Variants in ABAT observed in about 807,000 individuals in gnomAD.
The protein encoded by ABAT is 4-aminobutyrate aminotransferase, also known as 4-aminobutyrate aminotransferase, mitochondrial.
A neutral mutation model predicts 64.6 loss-of-function variants in ABAT; 45 were observed. That is an observed-to-expected ratio of 0.70 (90% confidence interval 0.55 to 0.89). The LOEUF is 0.89. Among genes scored for constraint, ABAT ranks in the 40% least tolerant of loss-of-function variants. The probability of loss-of-function intolerance (pLI) is 0.00; values close to 1 mark genes in which losing one functional copy is unlikely to be tolerated. For missense variants in ABAT, 633 were observed against 658.4 expected, an observed-to-expected ratio of 0.96 and a Z score of 0.42; for synonymous variants, 297 against 250.5, an observed-to-expected ratio of 1.19 and a Z score of -1.75.
At chr16:8,739,994 C>T (rs559510984) in intron 2 of ABAT, among the ~76,000 whole-genome samples, 2 of 151,414 alleles carry the variant, frequency 1.3e-5, no homozygotes, top group East Asian at 1.9e-4. Flanking sequence ...CGTGTACTCT[C>T]GTACACTGCT....
chr16:8,677,589 G>C (rs942311764), intron 1 of ABAT, among the ~76,000 whole-genome samples: 2 of 152,136 alleles, frequency 1.3e-5, no homozygotes, highest in African/African-American at 4.8e-5. Context: ...ATTCTTTGTT[G>C]TGGGACTCCC....
In ABAT at chr16:8,750,431, G is replaced by T. The variant is rs540109350; in HGVS notation, c.208G>T (p.Ala70Ser). The T allele has an allele frequency of 1.2e-6, 2 of 1,613,882 alleles. No homozygotes were observed. The highest frequency in any genetic ancestry group is 1.3e-5 in the African/African-American group (1 of 75,042). The change falls in exon 5 of 16, where the codon GCT becomes TCT. Residue 70 changes from alanine to serine, a missense_variant. Ala to Ser is a moderately conservative substitution (Grantham distance 99). Transcript: ENST00000268251. ...CTTTTCTTTCTCCAAGAATGCAGAGGCTGTGCATTTTTTCTGCAATTACGA... is the reference window on the plus strand; with the variant it reads ...CTTTTCTTTCTCCAAGAATGCAGAGTCTGTGCATTTTTTCTGCAATTACGA... ...KQLNIIQNAE[A>S]VHFFCNYEES... is the part of the protein sequence containing the mutation.
chr16:8,709,217 ATTT>A (rs1000697908), intron 1 of ABAT, among the ~76,000 whole-genome samples: 8 of 145,380 alleles, frequency 5.5e-5, no homozygotes, highest in Non-Finnish European at 6.0e-5. Context: ...TCAGTGCTTT[ATTT>A]TTTAATGTAT....
At chr16:8,765,489 C>T (rs1181258873) in intron 8 of ABAT, among the ~76,000 whole-genome samples, 1 of 151,998 alleles carries the variant, frequency 6.6e-6, no homozygotes, top group Non-Finnish European at 1.5e-5. Context: ...CATGGTGAAA[C>T]CCCGTCTCTA....
intron 1 of ABAT, among the ~76,000 whole-genome samples, chr16:8,710,063 T>G (rs2058035068): frequency 2.0e-5 from 3 of 152,048 alleles, no homozygotes; most frequent in African/African-American, 7.2e-5. Context: ...TCCGCCCACT[T>G]TGGCCTCCCA....
chr16:8,738,252 T>G (rs939846592), intron 2 of ABAT, among the ~76,000 whole-genome samples: 1 of 151,762 alleles, frequency 6.6e-6, no homozygotes, highest in African/African-American at 2.4e-5. Context: ...GCCTGGGAGA[T>G]CGAGGCTGCA....
intron 6 of ABAT, among the ~76,000 whole-genome samples, chr16:8,763,075 C>T (rs1011930807): frequency 5.5e-5 from 8 of 145,650 alleles, no homozygotes; most frequent in African/African-American, 2.1e-4. Context: ...CGCTACTGCA[C>T]TCCAACCTGA....
At chr16:8,677,814 T>C (rs1335838635) in intron 1 of ABAT, among the ~76,000 whole-genome samples, 6 of 152,124 alleles carry the variant, frequency 3.9e-5, no homozygotes, top group Non-Finnish European at 8.8e-5. Context: ...AACAGCTTCC[T>C]AGCTGAGGCG....
Position 8,776,453 on chromosome 16 carries a change from C to A in ABAT, c.1232C>A (p.Ala411Asp), listed in dbSNP as rs905938522. The A allele has an allele frequency of 1.1e-5, 17 of 1,614,200 alleles. No homozygotes were observed. The highest frequency in any genetic ancestry group is 1.4e-5 in the Non-Finnish European group (17 of 1,180,046). ...GACCTGCTAAATAATGCAGCCCATG[C>A]CGGGAAGGCCCTGCTCACAGGACTG... ...REDLLNNAAH[A>D]GKALLTGLLD... Residue 411 changes from alanine to aspartate, a missense_variant, in exon 14 of 16, where the codon GCC (alanine) becomes GAC (aspartate). Physicochemically the swap from Ala to Asp is moderately radical, Grantham distance 126. Transcript: ENST00000268251. The surrounding 1 kb of genome is among the most constrained non-coding windows in gnomAD (Gnocchi z 4.4).
chr16:8,743,444 T>TATATATATATATATATATATATACATAC (rs368568293), intron 2 of ABAT, among the ~76,000 whole-genome samples: 1 of 117,700 alleles, frequency 8.5e-6, no homozygotes, highest in African/African-American at 3.7e-5. Flanking sequence ...TATATATATA[T>TATATATATATATATATATATATACATAC]ACACACATTT....
rs1301288240 is a variant in ABAT at position 8,776,272 on chromosome 16, G to A, written c.1123-72G>A. 4 of 1,607,378 alleles carry A rather than the reference G, an allele frequency of 2.5e-6. No homozygotes were observed. In the South Asian group the frequency reaches 3.3e-5, roughly 13 times the overall value. Reference sequence around the variant, plus strand: ...TCTCCTCTTCAAGAGAGGAGGCGGGGCGCCTGGGGTAAGTGACTCCTGCAG... The same window carrying A: ...TCTCCTCTTCAAGAGAGGAGGCGGGACGCCTGGGGTAAGTGACTCCTGCAG... On this transcript the variant is annotated intron_variant, in intron 13 of 15. Coordinates refer to ENST00000268251, the MANE Select transcript of ABAT (RefSeq NM_020686.6). This position sits in a 1 kb window ranked among gnomAD's most constrained non-coding sequence, Gnocchi z 4.4.
intron 6 of ABAT, among the ~76,000 whole-genome samples, chr16:8,763,691 A>C (rs1246723980): frequency 6.6e-6 from 1 of 152,238 alleles, no homozygotes; most frequent in Non-Finnish European, 1.5e-5. Flanking sequence ...GGCGTGAGGC[A>C]CTGCACTCTG....
intron 5 of ABAT, among the ~76,000 whole-genome samples, chr16:8,755,276 C>T (rs1844255549): frequency 6.6e-6 from 1 of 152,034 alleles, no homozygotes; most frequent in Admixed American, 6.6e-5. Flanking sequence ...CAGGTGCAAC[C>T]ACAAAGTGTC....
At chr16:8,749,541 G>A (rs1427456487) in intron 4 of ABAT, among the ~76,000 whole-genome samples, 6 of 151,296 alleles carry the variant, frequency 4.0e-5, no homozygotes, top group African/African-American at 1.5e-4. Context: ...TGGGATTACA[G>A]GTGCCCGCCA....
intron 1 of ABAT, among the ~76,000 whole-genome samples, chr16:8,730,510 C>G (rs891963550): frequency 3.3e-5 from 5 of 152,152 alleles, no homozygotes; most frequent in African/African-American, 1.2e-4. Context: ...TCCTCCTTGC[C>G]CTGTTCTCTC....
intron 11 of ABAT, 112 bp from the exon 12 acceptor site, chr16:8,772,668 C>G: frequency 1.4e-6 from 2 of 1,438,642 alleles, no homozygotes; most frequent in Admixed American, 1.7e-5. Flanking sequence ...GAAATGCACA[C>G]AAACACATTT....
At chr16:8,767,895 C>G (rs2059991742) in intron 9 of ABAT, among the ~76,000 whole-genome samples, 2 of 151,906 alleles carry the variant, frequency 1.3e-5, no homozygotes, top group Non-Finnish European at 2.9e-5. Context: ...AGGCTGATCC[C>G]AAACTCCTGA....
chr16:8,724,732 A>G (rs1567286716), intron 1 of ABAT, among the ~76,000 whole-genome samples: 5 of 4,050 alleles, frequency 1.2e-3, no homozygotes, highest in African/African-American at 2.2e-3. Context: ...TTGTCTCAGG[A>G]AAAAAAAAAA....
chr16:8,696,919 C>T (rs1347020435), intron 1 of ABAT, among the ~76,000 whole-genome samples: 1 of 152,108 alleles, frequency 6.6e-6, no homozygotes, highest in Non-Finnish European at 1.5e-5. Flanking sequence ...TGCTCCCATC[C>T]CCAGAGGCAT....
Sources: gnomAD v4.1 joint callset for allele counts (sites outside exome capture counted in the v4.1 genomes callset) on GRCh38, gnomAD v4.1.1 for gene constraint, Gnocchi (gnomAD v3.1) non-coding constraint, MANE v1.5 for transcripts, NCBI Gene and HGNC (gene_info 2026-07-23, HGNC 2026-07-21) for gene names.